SYNPR: variants seen among roughly 807,000 people sequenced by gnomAD.
The protein encoded by SYNPR is synaptoporin.
In SYNPR, 23 loss-of-function variants were observed where a neutral mutation model predicts 32.9. The observed-to-expected ratio is 0.70, with a 90% CI of 0.50 to 0.99. SYNPR has a LOEUF of 0.99. Ranked by LOEUF, SYNPR falls within the 50% of genes least tolerant of loss-of-function variation. The pLI is 0.00. For missense variants in SYNPR, 318 were observed against 349.3 expected, an observed-to-expected ratio of 0.91 and a Z score of 0.71; for synonymous variants, 146 against 135.9, an observed-to-expected ratio of 1.07 and a Z score of -0.52.
chr3:63,407,520 C>A (rs1225994890), intron 2 of SYNPR, among the ~76,000 whole-genome samples: 1 of 152,030 alleles, frequency 6.6e-6, no homozygotes, highest in East Asian at 1.9e-4. Context: ...TAAGATATTC[C>A]ATTTAAAGTG....
intron 2 of SYNPR, among the ~76,000 whole-genome samples, chr3:63,296,826 G>T (rs2086795347): frequency 6.6e-6 from 1 of 152,004 alleles, no homozygotes; most frequent in South Asian, 2.1e-4. Context: ...TCCTAGTGAG[G>T]TATGACTCTA....
intron 2 of SYNPR, among the ~76,000 whole-genome samples, chr3:63,447,918 C>A (rs1348486074): frequency 6.6e-6 from 1 of 152,114 alleles, no homozygotes; most frequent in Non-Finnish European, 1.5e-5. Context: ...ACATTATTTT[C>A]TTTTGGAGTA....
chr3:63,328,182 T>C (rs1032769909), intron 2 of SYNPR, among the ~76,000 whole-genome samples: 2 of 152,044 alleles, frequency 1.3e-5, no homozygotes, highest in African/African-American at 2.4e-5. Context: ...TACTAAGCCA[T>C]TAAAAAAAAT....
At chr3:63,610,328 A>G (rs760380101) in intron 5 of SYNPR, 42 of 447,822 alleles carry the variant, frequency 9.4e-5, no homozygotes, top group Non-Finnish European at 1.6e-4. Flanking sequence ...AAGAAGCTGT[A>G]TCTGAGAAAT....
intron 4 of SYNPR, among the ~76,000 whole-genome samples, chr3:63,565,877 C>A (rs1431725650): frequency 1.3e-5 from 2 of 152,272 alleles, no homozygotes; most frequent in East Asian, 1.9e-4. Context: ...AACCTCACTG[C>A]TAGCTTTTGG....
intron 2 of SYNPR, among the ~76,000 whole-genome samples, chr3:63,334,819 T>C (rs2087267331): frequency 7.0e-6 from 1 of 143,118 alleles, no homozygotes; most frequent in East Asian, 2.2e-4. Flanking sequence ...ATTGCCGTTT[T>C]TGCCATCACT....
At chr3:63,444,954 A>G (rs1442377755) in intron 2 of SYNPR, among the ~76,000 whole-genome samples, 8 of 67,810 alleles carry the variant, frequency 1.2e-4, no homozygotes, top group Non-Finnish European at 3.0e-4. Flanking sequence ...AATTTGTTGG[A>G]AAAAAAACAA....
chr3:63,447,843 C>T (rs189946462), intron 2 of SYNPR, among the ~76,000 whole-genome samples: 1 of 152,060 alleles, frequency 6.6e-6, no homozygotes, highest in East Asian at 1.9e-4. Flanking sequence ...AGAAAGCTTA[C>T]TCACAACACA....
At chr3:63,489,245 T>C (rs537321204) in intron 3 of SYNPR, among the ~76,000 whole-genome samples, 2 of 152,282 alleles carry the variant, frequency 1.3e-5, no homozygotes, top group South Asian at 4.1e-4. Flanking sequence ...GCTCCAACAG[T>C]AAATCCATCC....
At chr3:63,379,190 T>C (rs1032583772) in intron 2 of SYNPR, among the ~76,000 whole-genome samples, 4 of 152,156 alleles carry the variant, frequency 2.6e-5, no homozygotes, top group Non-Finnish European at 4.4e-5. Context: ...TTTAAATTTG[T>C]TGAGTTTTGT....
At position 63,615,431 on chromosome 3, in the gene SYNPR, G is replaced by A. The variant is rs758644530; in HGVS notation, c.808G>A (p.Glu270Lys). 23 of 1,613,820 alleles carry A rather than the reference G, an allele frequency of 1.4e-5. No individual in the cohort carries two copies. Among genetic ancestry groups the A allele is most frequent in the Non-Finnish European group, 1.9e-5 (22 of 1,179,884 alleles). ...GGCGAGTTTGGGGCCAACCTCAGAT[G>A]AGTTTGGCCAACAGCCTACTGGCCC... ...QQASLGPTSD[E>K]FGQQPTGPTS... The change falls in exon 6 of 6, where the codon GAG becomes AAG. Residue 270 changes from glutamate to lysine, a missense_variant. Coordinates refer to ENST00000478300, the MANE Select transcript of SYNPR (RefSeq NM_001130003.2).
chr3:63,602,422 C>T (rs1224958636), intron 4 of SYNPR, among the ~76,000 whole-genome samples: 9 of 152,096 alleles, frequency 5.9e-5, no homozygotes, highest in Admixed American at 3.3e-4. Context: ...AAATCTCTGC[C>T]AGCTCTTATG....
chr3:63,509,921 ATTCT>A (rs1320422817), intron 3 of SYNPR, among the ~76,000 whole-genome samples: 1 of 151,946 alleles, frequency 6.6e-6, no homozygotes, highest in Non-Finnish European at 1.5e-5. Flanking sequence ...GCGAGATAGA[ATTCT>A]TTCTTCTCTC....
intron 1 of SYNPR, among the ~76,000 whole-genome samples, chr3:63,249,014 T>G (rs1246719623): frequency 6.6e-6 from 1 of 152,120 alleles, no homozygotes; most frequent in African/African-American, 2.4e-5. Context: ...AAGGAGAAAC[T>G]GGGAAGTAGT....
At chr3:63,232,411 C>T (rs1166519558) in intron 1 of SYNPR, among the ~76,000 whole-genome samples, 1 of 151,978 alleles carries the variant, frequency 6.6e-6, no homozygotes, top group Non-Finnish European at 1.5e-5. Context: ...CCATGTTGGC[C>T]AGGCTGGTCT....
intron 1 of SYNPR, among the ~76,000 whole-genome samples, chr3:63,246,769 C>T (rs1207518304): frequency 6.6e-6 from 1 of 152,050 alleles, no homozygotes; most frequent in East Asian, 1.9e-4. Context: ...CAGGATGTCA[C>T]AGTAGTTGAG....
chr3:63,210,074 G>T, the SYNPR span, among the ~76,000 whole-genome samples: 7 of 152,104 alleles, frequency 4.6e-5, no homozygotes, highest in Non-Finnish European at 7.4e-5. Flanking sequence ...ACAGTCAAGT[G>T]AATATAATTG....
the SYNPR span, among the ~76,000 whole-genome samples, chr3:63,211,799 G>T: frequency 7.2e-6 from 1 of 139,328 alleles, no homozygotes; most frequent in Non-Finnish European, 1.5e-5. Context: ...ATGCTGGTGC[G>T]CTGCACCCAC....
intron 3 of SYNPR, among the ~76,000 whole-genome samples, chr3:63,498,095 G>GT (rs1166693109): frequency 6.6e-6 from 1 of 152,086 alleles, no homozygotes; most frequent in Non-Finnish European, 1.5e-5. Flanking sequence ...TCACTCATTT[G>GT]GTCAGTCCAT....
Sources: allele counts gnomAD v4.1 joint callset (sites outside exome capture counted in the v4.1 genomes callset), GRCh38; gene constraint gnomAD v4.1.1; transcripts MANE v1.5; gene names NCBI Gene and HGNC (gene_info 2026-07-23, HGNC 2026-07-21).